HDAC9: variants seen among roughly 807,000 people sequenced by gnomAD.
HDAC9 encodes the protein MEF-2 interacting transcription repressor (MITR) protein.
In HDAC9, 41 loss-of-function variants were observed where a neutral mutation model predicts 139.4. The observed-to-expected ratio is 0.29, with a 90% CI of 0.23 to 0.38. The LOEUF (loss-of-function observed/expected upper bound fraction) is 0.38. HDAC9 is among the 10% of genes least tolerant of loss of function. The pLI, the probability that HDAC9 is intolerant of heterozygous loss-of-function variation, is 1.00. For missense variants in HDAC9, 1,147 were observed against 1,297.0 expected (o/e 0.88, Z 1.78); for synonymous variants, 517 against 476.2 (o/e 1.09, Z -1.12).
At chr7:18,912,283 C>T (rs1802810374) in intron 22 of HDAC9, among the ~76,000 whole-genome samples, 1 of 152,074 alleles carries the variant, frequency 6.6e-6, no homozygotes, top group South Asian at 2.1e-4. Context: ...CTCTTATGTT[C>T]ACTTTTCTCA....
chr7:18,155,979 C>T (rs1278655837), intron 1 of HDAC9, among the ~76,000 whole-genome samples: 2 of 152,126 alleles, frequency 1.3e-5, no homozygotes, highest in Non-Finnish European at 2.9e-5. Flanking sequence ...TCCCCAGAAC[C>T]CCCAGAGTCC....
intron 1 of HDAC9, among the ~76,000 whole-genome samples, chr7:18,089,915 TG>T (rs1227133577): frequency 1.4e-5 from 2 of 141,172 alleles, no homozygotes; most frequent in Non-Finnish European, 3.3e-5. Flanking sequence ...TTTGCTTCAT[TG>T]GTTTTTTTTT....
intron 2 of HDAC9, among the ~76,000 whole-genome samples, chr7:18,554,901 C>T (rs775691644): frequency 1.3e-5 from 2 of 152,164 alleles, no homozygotes; most frequent in Middle Eastern, 3.2e-3. Context: ...TCCTTTCTAT[C>T]TTCTCAGTAG....
At chr7:18,727,865 T>A in intron 13 of HDAC9, 108 bp downstream of exon 13, 1 of 918,476 alleles carries the variant, frequency 1.1e-6, no homozygotes, top group Non-Finnish European at 1.5e-6. Flanking sequence ...ACACTCCATT[T>A]TAACCCAGTG....
chr7:18,705,141 T>C (rs569815726), intron 12 of HDAC9, among the ~76,000 whole-genome samples: 50 of 152,356 alleles, frequency 3.3e-4, no homozygotes, highest in African/African-American at 1.2e-3. Context: ...GATCCTTAAC[T>C]TGCTAATTTG....
At chr7:18,132,739 C>T (rs1447302349) in intron 1 of HDAC9, among the ~76,000 whole-genome samples, 1 of 152,056 alleles carries the variant, frequency 6.6e-6, no homozygotes, top group African/African-American at 2.4e-5. Flanking sequence ...TTCTTTGGAC[C>T]TGTGAGGCCT....
intron 24 of HDAC9, among the ~76,000 whole-genome samples, chr7:18,970,449 G>T (rs1784174667): frequency 6.6e-6 from 1 of 151,958 alleles, no homozygotes; most frequent in African/African-American, 2.4e-5. Flanking sequence ...ATAATTTCTT[G>T]GCCAACAAAT....
intron 2 of HDAC9, among the ~76,000 whole-genome samples, chr7:18,552,327 A>AT (rs547222743): frequency 1.6e-4 from 25 of 152,024 alleles, no homozygotes; most frequent in Non-Finnish European, 2.5e-4. Context: ...ATTAATTTGC[A>AT]TTTTTTTGGT....
At chr7:18,969,017 G>C (rs1268435053) in intron 24 of HDAC9, among the ~76,000 whole-genome samples, 1 of 141,518 alleles carries the variant, frequency 7.1e-6, no homozygotes, top group African/African-American at 2.6e-5. Context: ...GGAGGATAAA[G>C]TGGCTAGAAT....
At chr7:18,346,311 C>T (rs1782415019) in intron 1 of HDAC9, among the ~76,000 whole-genome samples, 1 of 152,146 alleles carries the variant, frequency 6.6e-6, no homozygotes, top group African/African-American at 2.4e-5. Context: ...GTACAGTTAA[C>T]TTGACAGTGC....
chr7:18,120,186 A>T (rs750851497), intron 1 of HDAC9, among the ~76,000 whole-genome samples: 15 of 152,130 alleles, frequency 9.9e-5, no homozygotes, highest in Non-Finnish European at 4.4e-5. Context: ...AACAGAAGGG[A>T]GGAGTGCTAC....
intron 1 of HDAC9, among the ~76,000 whole-genome samples, chr7:18,471,318 T>G (rs1329049624): frequency 6.6e-6 from 1 of 152,198 alleles, no homozygotes; most frequent in Non-Finnish European, 1.5e-5. Flanking sequence ...TGTCCCTGTA[T>G]TTGATATCTG....
intron 13 of HDAC9, among the ~76,000 whole-genome samples, chr7:18,748,169 C>A (rs1251069683): frequency 6.6e-6 from 1 of 152,146 alleles, no homozygotes; most frequent in Admixed American, 6.5e-5. Flanking sequence ...TAATTATCAT[C>A]TAACTTGTTG....
Position 18,804,381 on chromosome 7 carries a change from A to C in HDAC9, c.2322+10929A>C, listed in dbSNP as rs57311488. 1.4e-3 allele frequency among the ~76,000 whole-genome samples: 212 copies of C among 152,308 alleles called. 1 individual carries two copies. Among genetic ancestry groups the C allele is most frequent in the African/African-American group, 4.8e-3 (201 of 41,562 alleles). On this transcript the variant is annotated intron_variant, in intron 17 of 25. Coordinates refer to ENST00000686413, the MANE Select transcript of HDAC9 (RefSeq NM_178425.4). ...TGCATGTACACGTCCACCCTCACAC[A>C]TACACACAAACACGCTGTGGTTCAT...
chr7:18,892,814 G>A (rs1391822025), intron 22 of HDAC9, among the ~76,000 whole-genome samples: 2 of 152,038 alleles, frequency 1.3e-5, no homozygotes, highest in East Asian at 3.9e-4. Flanking sequence ...GACATAAAAT[G>A]CAATTAAATC....
At chr7:18,217,204 A>T (rs1792380536) in intron 2 of HDAC9, among the ~76,000 whole-genome samples, 1 of 152,072 alleles carries the variant, frequency 6.6e-6, no homozygotes, top group South Asian at 2.1e-4. Flanking sequence ...ATTCTTTAAC[A>T]ACCAACTATA....
intron 22 of HDAC9, among the ~76,000 whole-genome samples, chr7:18,887,731 A>G (rs1800293295): frequency 6.6e-6 from 1 of 152,218 alleles, no homozygotes; most frequent in South Asian, 2.1e-4. Context: ...TTAAATGTTT[A>G]ACATAATTAT....
At chr7:18,991,487 A>C (rs952396753) in intron 25 of HDAC9, among the ~76,000 whole-genome samples, 1 of 152,106 alleles carries the variant, frequency 6.6e-6, no homozygotes, top group South Asian at 2.1e-4. Context: ...AATACAAAAA[A>C]TTAGCCAGGT....
chr7:18,926,416 T>C (rs1289484349), intron 22 of HDAC9, among the ~76,000 whole-genome samples: 10 of 152,220 alleles, frequency 6.6e-5, no homozygotes, highest in Non-Finnish European at 1.2e-4. Flanking sequence ...GTATCCATTT[T>C]GCAGTTGGCC....
Sources: gnomAD v4.1 joint callset for allele counts (sites outside exome capture counted in the v4.1 genomes callset) on GRCh38, gnomAD v4.1.1 for gene constraint, MANE v1.5 for transcripts, NCBI Gene and HGNC (gene_info 2026-07-23, HGNC 2026-07-21) for gene names.